Variants in PCDHA6 observed in about 807,000 individuals in gnomAD.
PCDHA6 encodes the protein protocadherin alpha 6.
A neutral mutation model predicts 60.3 loss-of-function variants in PCDHA6; 55 were observed. The observed-to-expected ratio is 0.91, with a 90% CI of 0.73 to 1.14. The LOEUF is 1.14. PCDHA6 is among the 50% of genes most tolerant of loss of function. The pLI, the probability that PCDHA6 is intolerant of heterozygous loss-of-function variation, is 0.00. For missense variants in PCDHA6, 1,327 were observed against 1,256.5 expected (o/e 1.06, Z -0.85); for synonymous variants, 652 against 557.9 (o/e 1.17, Z -2.38).
At chr5:140,956,933 A>G (rs1243678543) in intron 1 of PCDHA6, among the ~76,000 whole-genome samples, 1 of 151,594 alleles carries the variant, frequency 6.6e-6, no homozygotes, top group Non-Finnish European at 1.5e-5. Flanking sequence ...TGGATATAGG[A>G]TAAAATTTAC....
At chr5:140,922,476 G>C (rs1473614127) in intron 1 of PCDHA6, among the ~76,000 whole-genome samples, 2 of 152,184 alleles carry the variant, frequency 1.3e-5, no homozygotes, top group African/African-American at 4.8e-5. Context: ...AGGAGAGAAG[G>C]CAGGACTAAA....
intron 1 of PCDHA6, chr5:140,856,071 TG>T: frequency 6.3e-7 from 1 of 1,591,920 alleles, no homozygotes; most frequent in East Asian, 2.2e-5. Flanking sequence ...TGTAGCTGCC[TG>T]GGGGTCCAGT....
chr5:140,877,422 G>A (rs781813282), intron 1 of PCDHA6: 2 of 1,613,784 alleles, frequency 1.2e-6, no homozygotes, highest in Admixed American at 1.7e-5. Context: ...TGCTGGTGCT[G>A]GTGAAGGACC....
At chr5:140,857,127 A>C in intron 1 of PCDHA6, 1 of 1,598,180 alleles carries the variant, frequency 6.3e-7, no homozygotes, top group Non-Finnish European at 8.6e-7. Flanking sequence ...CCAGTGAAAG[A>C]AGATGCTCAA....
chr5:140,834,730 T>G, intron 1 of PCDHA6: 2 of 1,614,148 alleles, frequency 1.2e-6, no homozygotes, highest in Non-Finnish European at 1.7e-6. Context: ...CCGCTGCAGG[T>G]TTTCCATGTG....
At chr5:140,841,343 G>T (rs1554138115) in intron 1 of PCDHA6, 1 of 1,612,324 alleles carries the variant, frequency 6.2e-7, no homozygotes, top group Non-Finnish European at 8.5e-7. Context: ...CTGGCGAGGA[G>T]AGCTGGGATC....
rs782807362 is a variant in PCDHA6 at position 140,884,482 on chromosome 5, T to G, written c.2394+53997T>G. ...GCGCGTGCGCGCCGGGCAAGCCCACTCTAGTGTGCTCCAGCGCGGCAGGGA... is the reference window on the plus strand; with the variant it reads ...GCGCGTGCGCGCCGGGCAAGCCCACGCTAGTGTGCTCCAGCGCGGCAGGGA... On this transcript the variant is annotated intron_variant, in intron 1 of 3. Transcript: ENST00000529310. 1.6e-5 allele frequency: 26 copies of G among 1,613,830 alleles called. No homozygotes were observed. In the East Asian group the frequency reaches 4.5e-4, roughly 28 times the overall value.
intron 1 of PCDHA6, among the ~76,000 whole-genome samples, chr5:140,897,495 A>G (rs1208374175): frequency 1.2e-4 from 19 of 152,006 alleles, no homozygotes; most frequent in Admixed American, 9.8e-4. Flanking sequence ...AATTTCAACC[A>G]TGTCCCTACA....
At chr5:140,848,740 G>A (rs2150419221) in intron 1 of PCDHA6, 5 of 1,593,114 alleles carry the variant, frequency 3.1e-6, no homozygotes, top group East Asian at 2.2e-5. Context: ...CTGCAGAATG[G>A]CATTTTGTTT....
At chr5:140,870,065 C>T (rs2051628168) in intron 1 of PCDHA6, 2 of 1,613,794 alleles carry the variant, frequency 1.2e-6, no homozygotes, top group Non-Finnish European at 1.7e-6. Flanking sequence ...GAAGTACAGG[C>T]TACAGATAAG....
At chr5:140,886,254 CTATT>C (rs1407308299) in intron 1 of PCDHA6, among the ~76,000 whole-genome samples, 1 of 151,720 alleles carries the variant, frequency 6.6e-6, no homozygotes, top group African/African-American at 2.4e-5. Context: ...AAAAGTATCT[CTATT>C]TATAGATAAA....
intron 1 of PCDHA6, chr5:140,842,095 A>G: frequency 6.2e-7 from 1 of 1,613,924 alleles, no homozygotes; most frequent in Non-Finnish European, 8.5e-7. Flanking sequence ...CAGACAACGG[A>G]ACAACAGTTA....
chr5:140,877,240 G>T, intron 1 of PCDHA6: 1 of 1,613,736 alleles, frequency 6.2e-7, no homozygotes, highest in Non-Finnish European at 8.5e-7. Flanking sequence ...TGCGGGCCAC[G>T]TGGTGGCGAA....
At chr5:140,986,524 G>GAACT (rs1403082336) in intron 3 of PCDHA6, among the ~76,000 whole-genome samples, 2 of 152,198 alleles carry the variant, frequency 1.3e-5, no homozygotes, top group Non-Finnish European at 2.9e-5. Flanking sequence ...GCCTGTGAGG[G>GAACT]AACTGGCCTG....
At chr5:141,000,415 A>AT (rs1563651650) in intron 3 of PCDHA6, among the ~76,000 whole-genome samples, 6 of 87,394 alleles carry the variant, frequency 6.9e-5, no homozygotes, top group African/African-American at 1.5e-4. Flanking sequence ...ATATATATAT[A>AT]TATATATTTT....
At chr5:140,900,588 C>G (rs1025443524) in intron 1 of PCDHA6, among the ~76,000 whole-genome samples, 3 of 152,150 alleles carry the variant, frequency 2.0e-5, no homozygotes, top group African/African-American at 7.2e-5. Flanking sequence ...TTTTCTTTAC[C>G]CGTTCATCTG....
rs2150154763 is a variant in PCDHA6, at chr5:140,828,384, G to A, written c.293G>A (p.Arg98Gln). ...SRIDREELCG[R>Q]SAECSIHLEV... ...ATCGACCGCGAGGAGCTGTGCGGGC[G>A]GAGCGCGGAGTGCAGCATCCACCTG... Residue 98 changes from arginine to glutamine, a missense_variant, in exon 1 of 4, where the codon CGG becomes CAG. Physicochemically the swap from Arg to Gln is conservative, Grantham distance 43 (BLOSUM62 1). Coordinates refer to ENST00000529310, the MANE Select transcript of PCDHA6 (RefSeq NM_018909.4). The A allele has an allele frequency of 1.4e-5, 23 of 1,614,166 alleles. No individual in the cohort carries two copies. In the East Asian group the frequency reaches 4.0e-4, roughly 28 times the overall value.
At chr5:140,960,823 G>A (rs370898808) in intron 1 of PCDHA6, among the ~76,000 whole-genome samples, 2 of 152,012 alleles carry the variant, frequency 1.3e-5, no homozygotes, top group East Asian at 3.9e-4. Context: ...AGTGATGAAT[G>A]GAAACTTGGA....
chr5:140,958,349 G>T lies in PCDHA6; in HGVS notation c.2395-20600G>T, dbSNP rs142186821. Among the ~76,000 whole-genome samples the T allele has an allele frequency of 7.9e-3, 1,199 of 152,218 alleles. 6 individuals carry two copies. The highest frequency in any genetic ancestry group is 0.012 in the Non-Finnish European group (790 of 67,966). On this transcript the variant is annotated intron_variant, in intron 1 of 3. Coordinates refer to ENST00000529310, the MANE Select transcript of PCDHA6 (RefSeq NM_018909.4). ...ATAAATAAATCACAGGAAGTTCACAGTCTGACTTTATCAGGAATGTTGCTA... is the reference window on the plus strand; with the variant it reads ...ATAAATAAATCACAGGAAGTTCACATTCTGACTTTATCAGGAATGTTGCTA...
Sources: gnomAD v4.1 joint callset for allele counts (sites outside exome capture counted in the v4.1 genomes callset) on GRCh38, gnomAD v4.1.1 for gene constraint, MANE v1.5 for transcripts, NCBI Gene and HGNC (gene_info 2026-07-23, HGNC 2026-07-21) for gene names.